The following FBXL17 variants were observed in gnomAD, a reference collection of about 807,000 sequenced individuals.
FBXL17 encodes F-box and leucine rich repeat protein 17, also known as F-box/LRR-repeat protein 17.
FBXL17 carries 22 observed loss-of-function variants against 66.2 expected under a neutral mutation model. The ratio of observed to expected loss-of-function variants is 0.33; its 90% CI spans 0.24 to 0.47. The LOEUF is 0.47. Ranked by LOEUF, FBXL17 falls within the 20% of genes least tolerant of loss-of-function variation. FBXL17 has a pLI of 1.00. For synonymous variants in FBXL17, 474 were observed against 400.5 expected, an observed-to-expected ratio of 1.18 and a Z score of -2.19; for missense variants, 878 against 948.2, an observed-to-expected ratio of 0.93 and a Z score of 0.97.
intron 4 of FBXL17, among the ~76,000 whole-genome samples, chr5:108,329,859 G>C (rs1032149139): frequency 5.3e-5 from 8 of 152,068 alleles, no homozygotes; most frequent in African/African-American, 1.7e-4. Context: ...CTCGGGAACA[G>C]TGGCTTTGAT....
At chr5:108,015,844 T>A (rs1283467982) in intron 7 of FBXL17, among the ~76,000 whole-genome samples, 1 of 152,110 alleles carries the variant, frequency 6.6e-6, no homozygotes, top group Non-Finnish European at 1.5e-5. Flanking sequence ...AAGGCTGGGG[T>A]GAGGTGTGGG....
intron 6 of FBXL17, among the ~76,000 whole-genome samples, chr5:108,049,404 C>T (rs1197139810): frequency 1.3e-5 from 2 of 152,024 alleles, no homozygotes; most frequent in East Asian, 3.9e-4. Flanking sequence ...GCTGGGATCA[C>T]AGGCGTTAGC....
intron 4 of FBXL17, among the ~76,000 whole-genome samples, chr5:108,305,272 A>G (rs192704252): frequency 1.4e-5 from 2 of 143,922 alleles, no homozygotes; most frequent in Admixed American, 6.7e-5. Context: ...ACACAGACAC[A>G]TGGTTCTCAC....
intron 4 of FBXL17, among the ~76,000 whole-genome samples, chr5:108,245,906 G>A (rs1756074238): frequency 6.6e-6 from 1 of 152,138 alleles, no homozygotes; most frequent in South Asian, 2.1e-4. Flanking sequence ...CCAAGTCCAA[G>A]TTAACATATG....
At chr5:108,180,590 T>C (rs911880949) in intron 6 of FBXL17, among the ~76,000 whole-genome samples, 5 of 152,236 alleles carry the variant, frequency 3.3e-5, no homozygotes, top group Admixed American at 3.3e-4. Flanking sequence ...ATTTTGTAGA[T>C]CTTATTTTTT....
At chr5:108,143,001 T>TAATAATAATAAA (rs1407689755) in intron 6 of FBXL17, among the ~76,000 whole-genome samples, 2 of 150,732 alleles carry the variant, frequency 1.3e-5, no homozygotes, top group Admixed American at 6.6e-5. Context: ...ATAATAATAA[T>TAATAATAATAAA]AAAAGATTCT....
chr5:108,326,420 C>T (rs1403361818), intron 4 of FBXL17, among the ~76,000 whole-genome samples: 1 of 151,386 alleles, frequency 6.6e-6, no homozygotes, highest in African/African-American at 2.4e-5. Flanking sequence ...TGGTGAAACC[C>T]TGTCTCTACT....
At chr5:108,002,172 C>T (rs1353129490) in intron 7 of FBXL17, among the ~76,000 whole-genome samples, 3 of 138,648 alleles carry the variant, frequency 2.2e-5, no homozygotes, top group Non-Finnish European at 4.4e-5. Context: ...CACACCACCA[C>T]ACCCAGCTAA....
intron 4 of FBXL17, among the ~76,000 whole-genome samples, chr5:108,317,046 G>A (rs1327618832): frequency 1.3e-5 from 2 of 150,838 alleles, no homozygotes; most frequent in South Asian, 2.1e-4. Flanking sequence ...GTACATAAAG[G>A]TCTCAATTTC....
chr5:107,890,254 G>A (rs528421689), intron 7 of FBXL17, among the ~76,000 whole-genome samples: 3 of 152,138 alleles, frequency 2.0e-5, no homozygotes, highest in Non-Finnish European at 4.4e-5. Flanking sequence ...AGATGGGAAA[G>A]TACATTAGTG....
chr5:108,114,991 G>A (rs569458848), intron 6 of FBXL17, among the ~76,000 whole-genome samples: 7 of 152,250 alleles, frequency 4.6e-5, no homozygotes, highest in Non-Finnish European at 8.8e-5. Context: ...TTTCAAAATG[G>A]TGTGCACTCT....
chr5:108,164,349 T>G (rs1169095363), intron 6 of FBXL17, among the ~76,000 whole-genome samples: 1 of 152,192 alleles, frequency 6.6e-6, no homozygotes, highest in Non-Finnish European at 1.5e-5. Context: ...TTCCAAGTAT[T>G]ACAAGAGGAC....
chr5:107,927,904 A>G (rs1463051715), intron 7 of FBXL17, among the ~76,000 whole-genome samples: 1 of 152,018 alleles, frequency 6.6e-6, no homozygotes, highest in Non-Finnish European at 1.5e-5. Flanking sequence ...TTTTAAATTC[A>G]CCTCCTCTTA....
intron 7 of FBXL17, among the ~76,000 whole-genome samples, chr5:107,898,538 G>A (rs936826335): frequency 2.6e-5 from 4 of 151,890 alleles, no homozygotes; most frequent in African/African-American, 9.7e-5. Context: ...TTGTTACATA[G>A]GTATACATGT....
intron 7 of FBXL17, among the ~76,000 whole-genome samples, chr5:107,913,020 A>T (rs559336369): frequency 5.3e-5 from 8 of 152,314 alleles, no homozygotes; most frequent in African/African-American, 1.7e-4. Context: ...GGAAATAGCT[A>T]ACATAAGATT....
intron 6 of FBXL17, among the ~76,000 whole-genome samples, chr5:108,103,588 GATTA>G (rs1649500961): frequency 6.6e-6 from 1 of 150,512 alleles, no homozygotes; most frequent in South Asian, 2.1e-4. Context: ...CAAAAAAAAA[GATTA>G]ATTTTTAGCT....
chr5:108,190,038 C>G (rs1482992809), intron 5 of FBXL17, among the ~76,000 whole-genome samples: 1 of 152,162 alleles, frequency 6.6e-6, no homozygotes, highest in Non-Finnish European at 1.5e-5. Flanking sequence ...TCTTCTGACC[C>G]ACAGAACTAG....
rs1481100358 is a variant in FBXL17, at chr5:108,250,769, G to A, written c.1507-26541C>T. ...TGTTTCTTGTACTTGCTTATAAATT[G>A]TTTAATGCAAATGCTCATGTATGGT... On this transcript the variant is annotated intron_variant, in intron 4 of 8. Coordinates refer to ENST00000542267, the MANE Select transcript of FBXL17 (RefSeq NM_001163315.3). Among the ~76,000 whole-genome samples, 8 of 152,138 alleles carry A rather than the reference G, an allele frequency of 5.3e-5. No individual in the cohort carries two copies. The South Asian group carries it at 8.3e-4, about 16-fold the overall frequency.
intron 5 of FBXL17, among the ~76,000 whole-genome samples, chr5:108,189,150 G>A (rs1481507293): frequency 6.6e-6 from 1 of 152,090 alleles, no homozygotes; most frequent in Non-Finnish European, 1.5e-5. Flanking sequence ...TAGTTCTGTG[G>A]GTCAGGAGAC....
Sources: gnomAD v4.1 joint callset for allele counts (sites outside exome capture counted in the v4.1 genomes callset) on GRCh38, gnomAD v4.1.1 for gene constraint, MANE v1.5 for transcripts, NCBI Gene and HGNC (gene_info 2026-07-23, HGNC 2026-07-21) for gene names.